PECR: variants seen among roughly 807,000 people sequenced by gnomAD.
PECR encodes the protein 2,4-dienoyl-CoA reductase-related protein.
In PECR, 30 loss-of-function variants were observed where a neutral mutation model predicts 35.3. The ratio of observed to expected loss-of-function variants is 0.85; its 90% confidence interval spans 0.64 to 1.15. PECR has a LOEUF of 1.15. Among genes scored for constraint, PECR ranks in the 50% most tolerant of loss-of-function variants. PECR has a pLI of 0.00. For synonymous variants in PECR, 148 were observed against 138.9 expected, an observed-to-expected ratio of 1.07 and a Z score of -0.46; for missense variants, 392 against 370.8, an observed-to-expected ratio of 1.06 and a Z score of -0.47.
At chr2:216,035,111 T>G (rs534776719), downstream of PECR, among the ~76,000 whole-genome samples, 17 of 152,354 alleles carry the variant, frequency 1.1e-4, no homozygotes, top group South Asian at 2.7e-3. Flanking sequence ...TAATTGCTCC[T>G]CTGTTCTGAG....
At chr2:216,032,882 G>A (rs1036511863) in intron 7 of PECR, 1 of 145,320 alleles carries the variant, frequency 6.9e-6, no homozygotes, top group East Asian at 2.2e-4. Flanking sequence ...AACAAGGAGT[G>A]CAGAAGAAAT....
intron 1 of PECR, among the ~76,000 whole-genome samples, chr2:216,069,397 G>C (rs11887953): frequency 0.18 from 27,161 of 152,138 alleles, 3,059 homozygotes; most frequent in South Asian, 0.33. Flanking sequence ...ATGATCTAAG[G>C]GGGGACTGGC....
chr2:216,030,268 C>T (rs542758612), intron 7 of PECR, among the ~76,000 whole-genome samples: 2 of 152,230 alleles, frequency 1.3e-5, no homozygotes, highest in South Asian at 2.1e-4. Context: ...CTTCATTGTC[C>T]TTGGTGCTGG....
At chr2:216,071,506 T>C (rs991063986) in intron 1 of PECR, among the ~76,000 whole-genome samples, 2 of 152,228 alleles carry the variant, frequency 1.3e-5, no homozygotes, top group African/African-American at 2.4e-5. Context: ...TTAAATGTTA[T>C]GGGTTGTGAT....
chr2:216,075,981 C>T lies in PECR; in HGVS notation c.124+5637G>A, dbSNP rs1695689279. ...CTGATATGAATTCAACTTGACGATG[C>T]TAGGTTTTCCTTGATGAAATCAGGT... On this transcript the variant is annotated intron_variant, in intron 1 of 7. Transcript: ENST00000265322. Among the ~76,000 whole-genome samples, 3 of 152,162 alleles carry T rather than the reference C, an allele frequency of 2.0e-5. No homozygotes were observed. In the South Asian group the frequency reaches 6.2e-4, roughly 32 times the overall value.
chr2:216,038,326 A>G (rs1228320020), downstream of PECR: 2 of 152,192 alleles, frequency 1.3e-5, no homozygotes, highest in Non-Finnish European at 2.9e-5. Context: ...AAAAGGAGAT[A>G]CATGGAAAAA....
chr2:216,054,688 A>G (rs1246105556), intron 4 of PECR, among the ~76,000 whole-genome samples: 1 of 152,224 alleles, frequency 6.6e-6, no homozygotes, highest in African/African-American at 2.4e-5. Flanking sequence ...GGAAAAATTA[A>G]TCAAAATCAG....
At chr2:216,031,679 GAAA>G (rs1694709174) in intron 7 of PECR, among the ~76,000 whole-genome samples, 1 of 51,060 alleles carries the variant, frequency 2.0e-5, no homozygotes, top group Non-Finnish European at 4.0e-5. Flanking sequence ...AAGAAAGAAA[GAAA>G]GAAAGAAAGA....
Position 216,039,379 on chromosome 2 carries a change from GCCT to G in PECR, c.827-22_827-20del. ...TCATGATCTGTTAAAGAAGTGGAAA[GCCT>G]CCTGTCACTTGCAAATCTCATTTGC... On this transcript the variant is annotated intron_variant, in intron 7 of 7. Transcript: ENST00000265322. The G allele has an allele frequency of 2.8e-6, 4 of 1,425,216 alleles. No individual in the cohort carries two copies. Among genetic ancestry groups the G allele is most frequent in the Non-Finnish European group, 9.9e-7 (1 of 1,007,436 alleles). 88.3% of individuals were successfully genotyped at this position (1,425,216 alleles called of 1,614,324 possible). A position where few individuals can be genotyped will look rare whatever the true frequency, so the allele number is the denominator to read the frequency against.
rs146503212 is a variant in PECR, at chr2:216,048,960, T to A, written c.714+303A>T. ...CTTCATATGGCCATAGTTGTCTAAT[T>A]TGCTTAGGGTCCTGTGTACCAACAA... On this transcript the variant is annotated intron_variant, in intron 6 of 7. Coordinates refer to ENST00000265322, the MANE Select transcript of PECR (RefSeq NM_018441.6). Among the ~76,000 whole-genome samples, 25 of 152,156 alleles carry A rather than the reference T, an allele frequency of 1.6e-4. No individual in the cohort carries two copies. The South Asian group carries it at 4.8e-3, about 29-fold the overall frequency.
At chr2:216,035,988 T>C (rs1264535859), downstream of PECR, among the ~76,000 whole-genome samples, 4 of 152,248 alleles carry the variant, frequency 2.6e-5, no homozygotes, top group Non-Finnish European at 5.9e-5. Flanking sequence ...TAGTGACAGA[T>C]ACCTCTTCCA....
chr2:216,050,126 T>C (rs1174427827), intron 5 of PECR, among the ~76,000 whole-genome samples: 1 of 151,858 alleles, frequency 6.6e-6, no homozygotes, highest in East Asian at 1.9e-4. Context: ...GGAGGCTGAG[T>C]TGGGAGGATC....
At chr2:216,043,311 T>C (rs1694932044) in intron 7 of PECR, among the ~76,000 whole-genome samples, 1 of 151,932 alleles carries the variant, frequency 6.6e-6, no homozygotes, top group East Asian at 1.9e-4. Flanking sequence ...GGTTTCACTG[T>C]GTTAACCAGG....
chr2:216,043,065 A>G (rs944098081), intron 7 of PECR, among the ~76,000 whole-genome samples: 1,818 of 45,880 alleles, frequency 0.04, 56 homozygotes, highest in Non-Finnish European at 0.052. Context: ...ATACGTATAT[A>G]TGTATGTATA....
At chr2:216,079,716 T>C (rs1450899458) in intron 1 of PECR, among the ~76,000 whole-genome samples, 6 of 148,760 alleles carry the variant, frequency 4.0e-5, no homozygotes, top group Admixed American at 6.7e-5. Context: ...GCACGGTGGC[T>C]TACGCCTGTA....
intron 7 of PECR, among the ~76,000 whole-genome samples, chr2:216,043,102 C>A (rs147705460): frequency 8.5e-6 from 1 of 117,202 alleles, no homozygotes; most frequent in Non-Finnish European, 1.8e-5. Flanking sequence ...TATATGTATG[C>A]GTATATATAT....
chr2:216,046,359 G>T (rs1694997073), intron 6 of PECR, among the ~76,000 whole-genome samples: 1 of 134,890 alleles, frequency 7.4e-6, no homozygotes, highest in Admixed American at 8.3e-5. Flanking sequence ...CACCCAGGCT[G>T]GAGTGCAGTG....
chr2:216,046,314 T>A (rs866414909), intron 6 of PECR, among the ~76,000 whole-genome samples: 4,096 of 111,554 alleles, frequency 0.037, 31 homozygotes, highest in Non-Finnish European at 0.045. Context: ...ATATATATTT[T>A]TTTTTTTTTT....
chr2:216,034,439 G>T (rs980504217), downstream of PECR, among the ~76,000 whole-genome samples: 3 of 152,152 alleles, frequency 2.0e-5, no homozygotes, highest in African/African-American at 7.2e-5. Context: ...TGGTTCCCAT[G>T]GGTGACTTTG....
Sources: gnomAD v4.1 joint callset for allele counts (sites outside exome capture counted in the v4.1 genomes callset) on GRCh38, gnomAD v4.1.1 for gene constraint, MANE v1.5 for transcripts, NCBI Gene and HGNC (gene_info 2026-07-23, HGNC 2026-07-21) for gene names.